Variants in ROBO2 observed in about 807,000 individuals in gnomAD.
ROBO2 encodes the protein roundabout homolog 2.
In ROBO2, 53 loss-of-function variants were observed where a neutral mutation model predicts 160.8. The observed-to-expected ratio is 0.33, with a 90% CI of 0.26 to 0.41. ROBO2 has a LOEUF of 0.41. Among genes scored for constraint, ROBO2 ranks in the 10% least tolerant of loss-of-function variants. The pLI, the probability that ROBO2 is intolerant of heterozygous loss-of-function variation, is 1.00. For missense variants in ROBO2, 1,577 were observed against 1,722.4 expected (o/e 0.92, Z 1.49); for synonymous variants, 664 against 611.7 (o/e 1.09, Z -1.26).
intron 2 of ROBO2, among the ~76,000 whole-genome samples, chr3:76,290,994 T>G (rs1708774212): frequency 6.6e-6 from 1 of 152,100 alleles, no homozygotes; most frequent in South Asian, 2.1e-4. Context: ...GATATTAGCC[T>G]GAAGTTTTCT....
At chr3:76,562,654 G>C (rs2108504997) in intron 2 of ROBO2, among the ~76,000 whole-genome samples, 1 of 152,156 alleles carries the variant, frequency 6.6e-6, no homozygotes, top group African/African-American at 2.4e-5. Flanking sequence ...GATTTCTTTT[G>C]TCTTGCAGAC....
At chr3:76,634,650 C>A (rs1204293110) in intron 2 of ROBO2, among the ~76,000 whole-genome samples, 1 of 151,224 alleles carries the variant, frequency 6.6e-6, no homozygotes, top group Non-Finnish European at 1.5e-5. Context: ...ATCACCTCTT[C>A]AAAGGCTCTA....
intron 2 of ROBO2, among the ~76,000 whole-genome samples, chr3:76,507,825 C>G (rs1057126050): frequency 1.3e-5 from 2 of 152,104 alleles, no homozygotes; most frequent in African/African-American, 4.8e-5. Context: ...TTCTACCACT[C>G]TTCTCTAGAG....
chr3:76,793,637 T>G (rs2063507099), intron 2 of ROBO2, among the ~76,000 whole-genome samples: 1 of 151,894 alleles, frequency 6.6e-6, no homozygotes, highest in African/African-American at 2.4e-5. Context: ...TTAGGGTACA[T>G]GTGCACAATG....
chr3:76,870,442 A>G (rs1577149570), intron 2 of ROBO2, among the ~76,000 whole-genome samples: 1 of 152,236 alleles, frequency 6.6e-6, no homozygotes, highest in Admixed American at 6.5e-5. Context: ...CAACATACAG[A>G]CTGTTATTTA....
chr3:76,686,633 TGAGA>T (rs1041307062), intron 2 of ROBO2, among the ~76,000 whole-genome samples: 1 of 151,996 alleles, frequency 6.6e-6, no homozygotes, highest in Non-Finnish European at 1.5e-5. Context: ...GAATACTAAC[TGAGA>T]GAGAAACAGA....
At chr3:76,159,322 T>G (rs1372300482) in intron 2 of ROBO2, among the ~76,000 whole-genome samples, 1 of 152,158 alleles carries the variant, frequency 6.6e-6, no homozygotes, top group Non-Finnish European at 1.5e-5. Flanking sequence ...ACAGTTCTCT[T>G]GACAATACAA....
intron 2 of ROBO2, among the ~76,000 whole-genome samples, chr3:77,099,311 C>T (rs759735086): frequency 2.6e-5 from 4 of 151,930 alleles, no homozygotes. Flanking sequence ...GTGATCCACT[C>T]GCCTACAATT....
At chr3:76,460,388 A>G (rs569623579) in intron 2 of ROBO2, among the ~76,000 whole-genome samples, 181 of 152,288 alleles carry the variant, frequency 1.2e-3, no homozygotes, top group African/African-American at 4.2e-3. Flanking sequence ...ATTCTTTGTA[A>G]ATGGAGGCTG....
chr3:77,460,956 A>AG (rs2082177007), intron 2 of ROBO2, among the ~76,000 whole-genome samples: 1 of 152,184 alleles, frequency 6.6e-6, no homozygotes, highest in South Asian at 2.1e-4. Flanking sequence ...GTTGTATGGA[A>AG]GTCTTATTCG....
At chr3:76,538,566 T>A (rs2108188246) in intron 2 of ROBO2, among the ~76,000 whole-genome samples, 1 of 152,340 alleles carries the variant, frequency 6.6e-6, no homozygotes, top group Admixed American at 6.5e-5. Context: ...ACTATTGGTG[T>A]GAAAACCAAT....
intron 2 of ROBO2, among the ~76,000 whole-genome samples, chr3:76,142,892 A>C (rs1253904961): frequency 3.9e-5 from 6 of 152,030 alleles, no homozygotes; most frequent in Admixed American, 3.9e-4. Flanking sequence ...GCAGGCCTGT[A>C]TCAAAACATC....
In ROBO2 at chr3:77,157,166, G is replaced by A. The variant is rs78092169; in HGVS notation, c.388+58826G>A. On this transcript the variant is annotated intron_variant, in intron 2 of 25. Transcript: ENST00000461745. ...GATTATATGTCTATAGAGGTGATGC[G>A]CCCCTATCTTTCTTATTATTCTCCT... 8.4e-4 allele frequency among the ~76,000 whole-genome samples: 127 copies of A among 152,066 alleles called. 1 individual carries two copies. In the East Asian group the frequency reaches 0.02, roughly 24 times the overall value.
intron 2 of ROBO2, among the ~76,000 whole-genome samples, chr3:76,358,981 T>C (rs2075344358): frequency 6.9e-6 from 1 of 143,986 alleles, no homozygotes; most frequent in South Asian, 2.3e-4. Flanking sequence ...GTCCATGTGT[T>C]CTCATTGTTC....
intron 2 of ROBO2, among the ~76,000 whole-genome samples, chr3:77,383,743 T>A (rs1345163829): frequency 1.8e-5 from 2 of 111,934 alleles, no homozygotes; most frequent in African/African-American, 6.6e-5. Context: ...TTGAGAAACT[T>A]AAGATTTAAT....
At chr3:75,987,383 G>T (rs1383523631) in intron 2 of ROBO2, among the ~76,000 whole-genome samples, 1 of 151,762 alleles carries the variant, frequency 6.6e-6, no homozygotes, top group Non-Finnish European at 1.5e-5. Context: ...ATGTTTACGT[G>T]TTGCTTTTGT....
At chr3:76,615,848 G>A (rs1458174447) in intron 2 of ROBO2, among the ~76,000 whole-genome samples, 1 of 152,154 alleles carries the variant, frequency 6.6e-6, no homozygotes, top group East Asian at 1.9e-4. Flanking sequence ...CACAACATAT[G>A]GGTATGCAAT....
intron 2 of ROBO2, among the ~76,000 whole-genome samples, chr3:76,974,199 C>T (rs577493744): frequency 6.6e-6 from 1 of 152,284 alleles, no homozygotes; most frequent in East Asian, 1.9e-4. Flanking sequence ...CCTTGATAAA[C>T]ATTACATCTG....
chr3:76,968,566 A>G (rs998264141), intron 2 of ROBO2, among the ~76,000 whole-genome samples: 1 of 152,192 alleles, frequency 6.6e-6, no homozygotes, highest in Admixed American at 6.6e-5. Flanking sequence ...TTCTAGTTAA[A>G]TGCCAATGAT....
Sources: gnomAD v4.1 joint callset for allele counts (sites outside exome capture counted in the v4.1 genomes callset) on GRCh38, gnomAD v4.1.1 for gene constraint, MANE v1.5 for transcripts, NCBI Gene and HGNC (gene_info 2026-07-23, HGNC 2026-07-21) for gene names.